Variants in P2RY12 observed in about 807,000 individuals in gnomAD.
P2RY12 encodes the protein P2Y purinoceptor 12.
Under a neutral mutation model 4.5 loss-of-function variants are expected in P2RY12, and 3 were observed. That is an observed-to-expected ratio of 0.67 (90% CI 0.31 to 1.74). The LOEUF (loss-of-function observed/expected upper bound fraction) is 1.74, where lower values mean the gene tolerates loss of function less well. P2RY12 is among the 40% of genes most tolerant of loss of function. The probability of loss-of-function intolerance (pLI) is 0.09; values close to 1 mark genes in which losing one functional copy is unlikely to be tolerated. For missense variants in P2RY12, 356 were observed against 407.8 expected (o/e 0.87, Z 1.09); for synonymous variants, 148 against 154.1 (o/e 0.96, Z 0.29).
intron 1 of P2RY12, chr3:151,369,540 A>G (rs1487819027): frequency 6.2e-7 from 1 of 1,604,206 alleles, no homozygotes. Flanking sequence ...AAAAGCAATT[A>G]TGATGCTTGG....
rs547819606 is a variant in P2RY12 at position 151,358,492 on chromosome 3, T to A, written c.-179-17732A>T. On this transcript the variant is annotated intron_variant, in intron 1 of 2. Coordinates refer to ENST00000302632, the MANE Select transcript of P2RY12 (RefSeq NM_022788.5). ...GCTTATTCATGCTGTTTAATCTATGTTCTACTTTTAAAATAGTATATTGAA... is the reference window on the plus strand; with the variant it reads ...GCTTATTCATGCTGTTTAATCTATGATCTACTTTTAAAATAGTATATTGAA... 1.4e-4 allele frequency among the ~76,000 whole-genome samples: 22 copies of A among 152,304 alleles called. 1 individual carries two copies. The South Asian group carries it at 4.4e-3, about 30-fold the overall frequency.
At chr3:151,381,999 T>C (rs1199229563) in intron 1 of P2RY12, among the ~76,000 whole-genome samples, 1 of 152,038 alleles carries the variant, frequency 6.6e-6, no homozygotes, top group Admixed American at 6.6e-5. Flanking sequence ...GAATTGCACT[T>C]TTTTTTTGCT....
intron 1 of P2RY12, chr3:151,383,967 C>A: frequency 6.8e-7 from 1 of 1,478,912 alleles, no homozygotes; most frequent in South Asian, 1.2e-5. Flanking sequence ...GCGATTTCTG[C>A]CACATCTTAT....
intron 1 of P2RY12, among the ~76,000 whole-genome samples, chr3:151,381,977 T>C (rs1159431457): frequency 2.0e-5 from 3 of 152,218 alleles, no homozygotes; most frequent in Admixed American, 2.0e-4. Flanking sequence ...AGTGGTTTTT[T>C]GTTTTTGTTT....
chr3:151,372,347 C>T (rs1756290991), intron 1 of P2RY12, among the ~76,000 whole-genome samples: 1 of 152,112 alleles, frequency 6.6e-6, no homozygotes, highest in Non-Finnish European at 1.5e-5. Flanking sequence ...AAAATAAGGA[C>T]CGAGTCTTGA....
chr3:151,344,832 T>A (rs559646644), intron 1 of P2RY12, among the ~76,000 whole-genome samples: 26 of 152,304 alleles, frequency 1.7e-4, no homozygotes, highest in Admixed American at 1.4e-3. Context: ...ATTGTTGAAA[T>A]ATCAGAAAAT....
intron 1 of P2RY12, among the ~76,000 whole-genome samples, chr3:151,359,545 C>G (rs1754354330): frequency 6.6e-6 from 1 of 152,120 alleles, no homozygotes; most frequent in Admixed American, 6.6e-5. Flanking sequence ...CTGAATAGTA[C>G]AGAGGAGTTT....
intron 1 of P2RY12, among the ~76,000 whole-genome samples, chr3:151,367,251 A>G (rs745382690): frequency 1.3e-5 from 2 of 152,224 alleles, no homozygotes; most frequent in Non-Finnish European, 2.9e-5. Context: ...TTGTTTTTCA[A>G]CTAGGGGGAG....
At chr3:151,357,401 G>GC in intron 1 of P2RY12, 1 of 1,536,720 alleles carries the variant, frequency 6.5e-7, no homozygotes, top group South Asian at 1.2e-5. Flanking sequence ...TGTCATTGTT[G>GC]TTTTTCCAAT....
rs1381212263 is a variant in P2RY12 at position 151,377,130 on chromosome 3, G to T, written c.-180+7562C>A. The stretch of plus-strand genomic sequence containing the variant: ...CTCTTCAACCCAAACAGTATTGGAA[G>T]TGCTGATACAAGTAGCACGAGACAG... On this transcript the variant is annotated intron_variant, in intron 1 of 2. Coordinates refer to ENST00000302632, the MANE Select transcript of P2RY12 (RefSeq NM_022788.5). 13 of 1,613,906 alleles carry T rather than the reference G, an allele frequency of 8.1e-6. No homozygotes were observed. The Admixed American group carries it at 1.3e-4, about 17-fold the overall frequency.
At chr3:151,343,699 G>A (rs1026035429) in intron 1 of P2RY12, among the ~76,000 whole-genome samples, 11 of 152,130 alleles carry the variant, frequency 7.2e-5, no homozygotes, top group African/African-American at 2.7e-4. Context: ...TGGTTATTTT[G>A]TATAATTGAG....
At chr3:151,359,014 A>G (rs1016522008) in intron 1 of P2RY12, among the ~76,000 whole-genome samples, 4 of 152,166 alleles carry the variant, frequency 2.6e-5, no homozygotes, top group Non-Finnish European at 1.5e-5. Flanking sequence ...GTTTCAGGTT[A>G]TGATTGAAAC....
intron 1 of P2RY12, chr3:151,375,992 G>A (rs747260435): frequency 8.8e-7 from 1 of 1,132,178 alleles, no homozygotes; most frequent in Non-Finnish European, 1.2e-6. Context: ...CCGAAAGCCA[G>A]TGCCTGTCAA....
chr3:151,380,096 T>C, intron 1 of P2RY12: 1 of 1,461,830 alleles, frequency 6.8e-7, no homozygotes, highest in Non-Finnish European at 9.4e-7. Flanking sequence ...CTGTTGTTAT[T>C]ATTACTTCCT....
chr3:151,340,525 T>G (rs1029808724), intron 2 of P2RY12, 71 bp downstream of exon 2: 2 of 152,614 alleles, frequency 1.3e-5, no homozygotes, highest in Non-Finnish European at 2.9e-5. Flanking sequence ...AAGAGAAACT[T>G]GGAAAAAATG....
intron 1 of P2RY12, among the ~76,000 whole-genome samples, chr3:151,382,327 T>G (rs942924723): frequency 5.3e-5 from 8 of 152,220 alleles, no homozygotes; most frequent in Non-Finnish European, 1.0e-4. Flanking sequence ...CTCCAGTGTT[T>G]TTCTTCGTAA....
intron 1 of P2RY12, chr3:151,365,108 A>C: frequency 6.2e-7 from 1 of 1,614,004 alleles, no homozygotes; most frequent in Non-Finnish European, 8.5e-7. Context: ...TCAACTACTC[A>C]ATGCTGGGCA....
intron 1 of P2RY12, among the ~76,000 whole-genome samples, chr3:151,360,160 T>G (rs573994790): frequency 6.6e-6 from 1 of 152,256 alleles, no homozygotes; most frequent in African/African-American, 2.4e-5. Context: ...TACAACAGTT[T>G]TCCTTTTGTG....
chr3:151,371,671 G>A (rs1277060611), intron 1 of P2RY12, among the ~76,000 whole-genome samples: 6 of 152,142 alleles, frequency 3.9e-5, no homozygotes, highest in Admixed American at 2.0e-4. Context: ...AAGGCCTACT[G>A]TAAAAGCATT....
Sources: allele counts gnomAD v4.1 joint callset (sites outside exome capture counted in the v4.1 genomes callset), GRCh38; gene constraint gnomAD v4.1.1; transcripts MANE v1.5; gene names NCBI Gene and HGNC (gene_info 2026-07-23, HGNC 2026-07-21).